Variants in IFIT5 observed in about 807,000 individuals in gnomAD.
IFIT5 encodes interferon induced protein with tetratricopeptide repeats 5.
Under a neutral mutation model 5.0 loss-of-function variants are expected in IFIT5, and 2 were observed. The ratio of observed to expected loss-of-function variants is 0.40; its 90% CI spans 0.16 to 1.26. The LOEUF (loss-of-function observed/expected upper bound fraction) is 1.26, where lower values mean the gene tolerates loss of function less well. IFIT5 is among the 50% of genes most tolerant of loss of function. The pLI is 0.33. For synonymous variants in IFIT5, 206 were observed against 204.6 expected (o/e 1.01, Z -0.06); for missense variants, 524 against 563.2 (o/e 0.93, Z 0.70).
chr10:89,417,721 A>C lies in IFIT5; in HGVS notation c.522A>C (p.Pro174=), dbSNP rs773633483. The C allele has an allele frequency of 6.2e-7, 1 of 1,614,220 alleles. No individual in the cohort carries two copies. Among genetic ancestry groups the C allele is most frequent in the Non-Finnish European group, 8.5e-7 (1 of 1,180,024 alleles). Residue 174 remains proline, a synonymous_variant, in exon 2 of 2, where the codon CCA becomes CCC. Transcript: ENST00000371795. ...CTCTGGAAGTGGAGCCTGACAATCC[A>C]GAATTTAACATCGGCTATGCTATCA... ...EKALEVEPDN[P]EFNIGYAITV...
rs1841591399 is a variant in IFIT5 at position 89,420,863 on chromosome 10, A to G, written c.*2215A>G. 1 of 152,244 alleles carries G rather than the reference A, an allele frequency of 6.6e-6. No homozygotes were observed. Among genetic ancestry groups the G allele is most frequent in the Non-Finnish European group, 1.5e-5 (1 of 68,040 alleles). 9.4% of individuals were successfully genotyped at this position (152,244 alleles called of 1,614,324 possible). Reference sequence around the variant, plus strand: ...ACTGATGGACATGTGAAAAGTAAGTATAAATGGAATAAAATTAATTAGGCT... The same window carrying G: ...ACTGATGGACATGTGAAAAGTAAGTGTAAATGGAATAAAATTAATTAGGCT... On this transcript the variant is annotated 3_prime_UTR_variant, in exon 2 of 2. Transcript: ENST00000371795.
rs763851634 is a variant in IFIT5 at position 89,418,326 on chromosome 10, A to G, written c.1127A>G (p.His376Arg). Residue 376 changes from histidine to arginine, a missense_variant, in exon 2 of 2, where the codon CAT becomes CGT. Transcript: ENST00000371795. ...RLENITDDHK[H>R]QIHYHYGRFQ... ...GAGAACATAACCGATGATCACAAAC[A>G]TCAGATCCATTACCACTATGGCCGC... is the stretch of plus-strand genomic sequence containing the variant. 3.1e-6 allele frequency: 5 copies of G among 1,614,128 alleles called. No homozygotes were observed. The South Asian group carries it at 4.4e-5, about 14-fold the overall frequency.
Position 89,417,835 on chromosome 10 carries a change from A to T in IFIT5, c.636A>T (p.Pro212=). 2.5e-6 allele frequency: 4 copies of T among 1,614,232 alleles called. No homozygotes were observed. Among genetic ancestry groups the T allele is most frequent in the Non-Finnish European group, 3.4e-6 (4 of 1,180,036 alleles). The stretch of plus-strand genomic sequence containing the variant: ...TGAGAAAGGCTGTTACCCTGAACCC[A>T]GATAACAGCTATATTAAGGTTTTTC... The part of the protein sequence containing the change: ...GPLRKAVTLN[P]DNSYIKVFLA... The change falls in exon 2 of 2, where the codon CCA becomes CCT. Residue 212 remains proline, a synonymous_variant. Coordinates refer to ENST00000371795, the MANE Select transcript of IFIT5 (RefSeq NM_012420.3).
rs1402143750 is a variant in IFIT5, at chr10:89,420,879, T to G, written c.*2231T>G. On this transcript the variant is annotated 3_prime_UTR_variant, in exon 2 of 2. Coordinates refer to ENST00000371795, the MANE Select transcript of IFIT5 (RefSeq NM_012420.3). ...AAAGTAAGTATAAATGGAATAAAAT[T>G]AATTAGGCTAATAGGCTTAACCCAG... The G allele has an allele frequency of 6.6e-6, 1 of 152,216 alleles. No homozygotes were observed. The highest frequency in any genetic ancestry group is 6.5e-5 in the Admixed American group (1 of 15,290). 9.4% of individuals were successfully genotyped at this position (152,216 alleles called of 1,614,324 possible).
chr10:89,417,539 C>G lies in IFIT5; in HGVS notation c.340C>G (p.Gln114Glu). 1 of 1,614,188 alleles carries G rather than the reference C, an allele frequency of 6.2e-7. No homozygotes were observed. The highest frequency in any genetic ancestry group is 8.5e-7 in the Non-Finnish European group (1 of 1,180,026). The change falls in exon 2 of 2, where the codon CAG becomes GAG. Residue 114 changes from glutamine (Q) to glutamate (E), a missense_variant. Coordinates refer to ENST00000371795, the MANE Select transcript of IFIT5 (RefSeq NM_012420.3). ...TCACATGGACCAGCTTGAAGAAGCT[C>G]AGAAGTATACAGGTAAGATAGGGAA... ...YYHMDQLEEAQKYTGKIGNVC... is the reference protein window; with the variant it reads ...YYHMDQLEEAEKYTGKIGNVC...
In IFIT5 at chr10:89,417,991, C is replaced by T; in HGVS notation, c.792C>T (p.Ser264=). ...YAAKFYRRKN[S]WNKALELLKK... is the part of the protein sequence containing the mutation. ...CCAAGTTCTATAGGAGAAAAAATTC[C>T]TGGAACAAAGCTCTCGAACTTTTAA... Residue 264 remains serine, a synonymous_variant, in exon 2 of 2, where the codon TCC becomes TCT. Coordinates refer to ENST00000371795, the MANE Select transcript of IFIT5 (RefSeq NM_012420.3). The T allele has an allele frequency of 6.2e-7, 1 of 1,614,156 alleles. No homozygotes were observed.
At position 89,417,234 on chromosome 10, in the gene IFIT5, T is replaced by C; in HGVS notation, c.35T>C (p.Ile12Thr). ...ATTCGTAAGGACACCTTGAAGGCCATTCTGTTGGAGTTAGAATGTCATTTT... is the reference window on the plus strand; with the variant it reads ...ATTCGTAAGGACACCTTGAAGGCCACTCTGTTGGAGTTAGAATGTCATTTT... ...SEIRKDTLKA[I>T]LLELECHFTW... The change falls in exon 2 of 2, where the codon ATT (isoleucine) becomes ACT (threonine). Residue 12 changes from isoleucine (I) to threonine (T), a missense_variant. Transcript: ENST00000371795. 6.2e-7 allele frequency: 1 copy of C among 1,604,954 alleles called. No homozygotes were observed. The highest frequency in any genetic ancestry group is 8.5e-7 in the Non-Finnish European group (1 of 1,173,286).
In IFIT5 at chr10:89,419,478, G is replaced by T. The variant is rs1392098427; in HGVS notation, c.*830G>T. On this transcript the variant is annotated 3_prime_UTR_variant, in exon 2 of 2. Coordinates refer to ENST00000371795, the MANE Select transcript of IFIT5 (RefSeq NM_012420.3). ...ATTATTGAGATATAAAGCAGCCATT[G>T]GGAAATTGGGAGAAATGATAAACAA... 3 of 151,888 alleles carry T rather than the reference G, an allele frequency of 2.0e-5. No individual in the cohort carries two copies. The highest frequency in any genetic ancestry group is 3.9e-4 in the East Asian group (2 of 5,192). 9.4% of individuals were successfully genotyped at this position (151,888 alleles called of 1,614,324 possible). A position where few individuals can be genotyped will look rare whatever the true frequency, so the allele number is the denominator to read the frequency against.
chr10:89,414,978 G>C (rs1020137369), intron 1 of IFIT5, among the ~76,000 whole-genome samples, 175 bp downstream of exon 1: 1 of 152,194 alleles, frequency 6.6e-6, no homozygotes, highest in Non-Finnish European at 1.5e-5. Flanking sequence ...GTCCCGGCGC[G>C]CGGCGTCTGA....
In IFIT5 at chr10:89,414,737, T is replaced by C; in HGVS notation, c.-62T>C. On this transcript the variant is annotated 5_prime_UTR_variant, in exon 1 of 2. Coordinates refer to ENST00000371795, the MANE Select transcript of IFIT5 (RefSeq NM_012420.3). ...CCGCGCGGCTTCCCGCGGTCCCCGGTGCTGAGGAGAGAGCGATCCGAGGGA... is the reference window on the plus strand; with the variant it reads ...CCGCGCGGCTTCCCGCGGTCCCCGGCGCTGAGGAGAGAGCGATCCGAGGGA... The C allele has an allele frequency of 1.3e-6, 2 of 1,587,502 alleles. No individual in the cohort carries two copies. The highest frequency in any genetic ancestry group is 1.7e-6 in the Non-Finnish European group (2 of 1,171,730).
Position 89,414,582 on chromosome 10 carries a change from C to G in IFIT5, c.-217C>G, listed in dbSNP as rs953825302. On this transcript the variant is annotated 5_prime_UTR_variant, in exon 1 of 2. Coordinates refer to ENST00000371795, the MANE Select transcript of IFIT5 (RefSeq NM_012420.3). ...TCTTAAGTTTCAGTTTCTGAGCGCT[C>G]GGCATCTGATTCAATCTCCAGTTTC... The G allele has an allele frequency of 1.3e-5, 6 of 468,900 alleles. No individual in the cohort carries two copies. Among genetic ancestry groups the G allele is most frequent in the South Asian group, 3.8e-5 (1 of 26,220 alleles). The allele number at this position is 468,900 out of a possible 1,614,324, so 29.0% of individuals were successfully genotyped here.
rs757410092 is a variant in IFIT5, at chr10:89,418,651, A to G, written c.*3A>G. 1.3e-6 allele frequency: 2 copies of G among 1,599,940 alleles called. No individual in the cohort carries two copies. The highest frequency in any genetic ancestry group is 1.7e-5 in the Admixed American group (1 of 57,200). ...GTGAGCTCCGACTTTCCATTTAAAT[A>G]CATACTCTAGGAAATTAGCTCTAAG... On this transcript the variant is annotated 3_prime_UTR_variant, in exon 2 of 2. Coordinates refer to ENST00000371795, the MANE Select transcript of IFIT5 (RefSeq NM_012420.3).
rs1287986357 is a variant in IFIT5 at position 89,418,117 on chromosome 10, CA to C, written c.919del (p.Arg307AspfsTer8). On this transcript the variant is annotated frameshift_variant, in exon 2 of 2. Transcript: ENST00000371795. LOFTEE classifies it low-confidence loss of function (END_TRUNC). ...MIQIKKATHNRPKGKDKLKVD... is the reference protein window; with the variant it reads ...MIQIKKATHNXPKGKDKLKVD... The stretch of plus-strand genomic sequence containing the variant: ...TCCAAATCAAGAAGGCCACACACAA[CA>C]GACCTAAAGGAAAGGATAAACTAAA... The C allele has an allele frequency of 6.2e-7, 1 of 1,614,054 alleles. No individual in the cohort carries two copies. Among genetic ancestry groups the C allele is most frequent in the African/African-American group, 1.3e-5 (1 of 74,938 alleles).
chr10:89,414,595 A>G lies in IFIT5; in HGVS notation c.-204A>G. ...TTTCTGAGCGCTCGGCATCTGATTC[A>G]ATCTCCAGTTTCCTGTTCTTGCTGG... On this transcript the variant is annotated 5_prime_UTR_variant, in exon 1 of 2. Coordinates refer to ENST00000371795, the MANE Select transcript of IFIT5 (RefSeq NM_012420.3). The G allele has an allele frequency of 2.1e-6, 1 of 483,910 alleles. No individual in the cohort carries two copies. Among genetic ancestry groups the G allele is most frequent in the Non-Finnish European group, 3.6e-6 (1 of 279,070 alleles). The allele number at this position is 483,910 out of a possible 1,614,324, so 30.0% of individuals were successfully genotyped here. A position where few individuals can be genotyped will look rare whatever the true frequency, so the allele number is the denominator to read the frequency against.
chr10:89,415,023 G>C lies in IFIT5; in HGVS notation c.5+220G>C, dbSNP rs552652700. Among the ~76,000 whole-genome samples the C allele has an allele frequency of 3.3e-5, 5 of 152,248 alleles. No homozygotes were observed. In the South Asian group the frequency reaches 1.0e-3, roughly 32 times the overall value. On this transcript the variant is annotated intron_variant, in intron 1 of 1. Coordinates refer to ENST00000371795, the MANE Select transcript of IFIT5 (RefSeq NM_012420.3). The stretch of plus-strand genomic sequence containing the variant: ...TGCCGGGGAGGGTGGCCGAGTGGAC[G>C]CTTCTCGGGAGTCCGGCCCCTCCCC...
chr10:89,418,255 C>T lies in IFIT5; in HGVS notation c.1056C>T (p.Gly352=), dbSNP rs768832519. ...TDLANMYAEG[G]QYSNAEDIFR... Reference sequence around the variant, plus strand: ...TGGCCAACATGTACGCTGAAGGAGGCCAGTATAGCAATGCTGAGGACATTT... The same window carrying T: ...TGGCCAACATGTACGCTGAAGGAGGTCAGTATAGCAATGCTGAGGACATTT... The change falls in exon 2 of 2, where the codon GGC becomes GGT. Residue 352 remains glycine, a synonymous_variant. Transcript: ENST00000371795. The T allele has an allele frequency of 6.2e-7, 1 of 1,614,168 alleles. No individual in the cohort carries two copies. The highest frequency in any genetic ancestry group is 8.5e-7 in the Non-Finnish European group (1 of 1,180,012).
intron 1 of IFIT5, among the ~76,000 whole-genome samples, chr10:89,416,269 GACA>G (rs971305267): frequency 1.2e-4 from 16 of 134,084 alleles, no homozygotes; most frequent in African/African-American, 1.8e-4. Flanking sequence ...GAAGGGGCTT[GACA>G]ACAACAACAA....
At position 89,415,999 on chromosome 10, in the gene IFIT5, T is replaced by C. The variant is rs569475343; in HGVS notation, c.5+1196T>C. On this transcript the variant is annotated intron_variant, in intron 1 of 1. Transcript: ENST00000371795. ...GTGTAATGGCTCCATCTCGGCTCAC[T>C]GCAACCTCCGCCTCCCGGGTTCAAG... Among the ~76,000 whole-genome samples the C allele has an allele frequency of 8.3e-4, 127 of 152,340 alleles. 1 individual carries two copies. The highest frequency in any genetic ancestry group is 2.7e-3 in the African/African-American group (113 of 41,588).
Position 89,414,808 on chromosome 10 carries a change from G to T in IFIT5, c.5+5G>T. 1 of 1,610,330 alleles carries T rather than the reference G, an allele frequency of 6.2e-7. No individual in the cohort carries two copies. Among genetic ancestry groups the T allele is most frequent in the Non-Finnish European group, 8.5e-7 (1 of 1,178,474 alleles). ...GCAGAGCGCTGCCATCATGAGGTAA[G>T]GGTTTTCCTTTGCCTCTCCTCCCAA... On this transcript the variant is annotated splice_donor_5th_base_variant and intron_variant, in intron 1 of 1. Coordinates refer to ENST00000371795, the MANE Select transcript of IFIT5 (RefSeq NM_012420.3).
Sources: allele counts gnomAD v4.1 joint callset (sites outside exome capture counted in the v4.1 genomes callset), GRCh38; gene constraint gnomAD v4.1.1; transcripts MANE v1.5; gene names NCBI Gene and HGNC (gene_info 2026-07-23, HGNC 2026-07-21).